The following PDE4D variants were observed in gnomAD, a reference collection of about 807,000 sequenced individuals.
PDE4D encodes the protein phosphodiesterase 4D, also known as 3',5'-cyclic-AMP phosphodiesterase 4D.
Under a neutral mutation model 87.4 loss-of-function variants are expected in PDE4D, and 24 were observed. The ratio of observed to expected loss-of-function variants is 0.27; its 90% CI spans 0.20 to 0.39. The LOEUF is 0.39. PDE4D is among the 10% of genes least tolerant of loss of function. The pLI is 1.00. For synonymous variants in PDE4D, 384 were observed against 383.2 expected (o/e 1.00, Z -0.02); for missense variants, 714 against 1,041.0 (o/e 0.69, Z 4.32).
intron 1 of PDE4D, among the ~76,000 whole-genome samples, chr5:60,251,613 C>T (rs562863270): frequency 6.6e-6 from 1 of 151,720 alleles, no homozygotes; most frequent in African/African-American, 2.4e-5. Flanking sequence ...CTACTATTAT[C>T]GATGGGCATT....
intron 1 of PDE4D, among the ~76,000 whole-genome samples, chr5:59,673,273 T>C (rs1747515342): frequency 6.6e-6 from 1 of 152,192 alleles, no homozygotes; most frequent in Admixed American, 6.5e-5. Flanking sequence ...TTACCACATT[T>C]GCCAGTATTT....
At chr5:60,499,155 A>T (rs1749952543) in intron 1 of PDE4D, among the ~76,000 whole-genome samples, 1 of 152,218 alleles carries the variant, frequency 6.6e-6, no homozygotes, top group Non-Finnish European at 1.5e-5. Flanking sequence ...AACAGAATAA[A>T]CAGTTCACAC....
intron 2 of PDE4D, among the ~76,000 whole-genome samples, chr5:60,026,589 C>T (rs1006058355): frequency 3.9e-5 from 6 of 152,084 alleles, no homozygotes; most frequent in African/African-American, 1.2e-4. Context: ...ATGATAAACT[C>T]GATGAATAAT....
At chr5:59,161,805 A>G (rs899408224) in intron 5 of PDE4D, among the ~76,000 whole-genome samples, 3 of 152,188 alleles carry the variant, frequency 2.0e-5, no homozygotes, top group Admixed American at 6.5e-5. Flanking sequence ...AGTTCCTTCT[A>G]TATCTTGCTT....
intron 1 of PDE4D, among the ~76,000 whole-genome samples, chr5:59,729,097 C>T (rs190799072): frequency 1.3e-5 from 2 of 152,226 alleles, no homozygotes; most frequent in Non-Finnish European, 2.9e-5. Flanking sequence ...GACATCCTAT[C>T]TTTAGAGAAT....
intron 2 of PDE4D, among the ~76,000 whole-genome samples, chr5:59,205,190 C>T (rs1748466405): frequency 6.8e-6 from 1 of 146,536 alleles, no homozygotes; most frequent in South Asian, 2.2e-4. Flanking sequence ...GTACATGGAC[C>T]ATGCAGTGAG....
chr5:60,252,237 G>A (rs983727075), intron 1 of PDE4D, among the ~76,000 whole-genome samples: 2 of 151,808 alleles, frequency 1.3e-5, no homozygotes, highest in Non-Finnish European at 2.9e-5. Flanking sequence ...AGGTTAGATG[G>A]ATATGTAAGC....
At chr5:59,482,700 A>C (rs1159343166) in intron 1 of PDE4D, among the ~76,000 whole-genome samples, 7 of 152,130 alleles carry the variant, frequency 4.6e-5, no homozygotes, top group Admixed American at 4.6e-4. Flanking sequence ...AAATTTTTTG[A>C]TTCTTGCTTA....
chr5:59,441,631 G>C (rs762557357), intron 1 of PDE4D, among the ~76,000 whole-genome samples: 1 of 152,106 alleles, frequency 6.6e-6, no homozygotes, highest in Non-Finnish European at 1.5e-5. Flanking sequence ...CGATTGCAGG[G>C]CACAGAATGT....
intron 1 of PDE4D, among the ~76,000 whole-genome samples, chr5:59,698,307 G>A (rs777017040): frequency 6.6e-6 from 1 of 152,064 alleles, no homozygotes; most frequent in African/African-American, 2.4e-5. Context: ...TGTTGAAGGC[G>A]AGGGAAATGG....
At chr5:59,919,452 C>T (rs185678130) in intron 3 of PDE4D, among the ~76,000 whole-genome samples, 65 of 152,220 alleles carry the variant, frequency 4.3e-4, no homozygotes, top group African/African-American at 1.4e-3. Flanking sequence ...ATTCCAGGCC[C>T]TCATTATCAA....
chr5:58,976,585 A>G, intron 12 of PDE4D, 113 bp from the exon 13 acceptor site: 1 of 846,400 alleles, frequency 1.2e-6, no homozygotes, highest in Non-Finnish European at 1.8e-6. Context: ...CCTTTTAATG[A>G]CAGTGGAAAA....
At chr5:59,210,088 C>T (rs530279962) in intron 2 of PDE4D, among the ~76,000 whole-genome samples, 1 of 152,284 alleles carries the variant, frequency 6.6e-6, no homozygotes, top group South Asian at 2.1e-4. Flanking sequence ...GCCATGGTAG[C>T]TTTCTTTCTG....
chr5:59,287,511 A>G (rs79547934), intron 1 of PDE4D, among the ~76,000 whole-genome samples: 4,189 of 152,206 alleles, frequency 0.028, 214 homozygotes, highest in African/African-American at 0.095. Flanking sequence ...GGAAGGATAC[A>G]AGCCTGGCTG....
intron 3 of PDE4D, among the ~76,000 whole-genome samples, chr5:59,908,714 T>C (rs981111956): frequency 6.6e-6 from 1 of 152,188 alleles, no homozygotes; most frequent in African/African-American, 2.4e-5. Context: ...TCTAATATAT[T>C]CCCTAGAGTT....
intron 6 of PDE4D, among the ~76,000 whole-genome samples, chr5:59,018,028 T>C (rs10044336): frequency 0.1 from 15,679 of 152,236 alleles, 1,054 homozygotes; most frequent in Non-Finnish European, 0.13. Context: ...TACTTAAGGA[T>C]ACTGGGTTGT....
At chr5:59,668,845 G>GGAAGAAGAGGAAGAA (rs1746604816) in intron 1 of PDE4D, among the ~76,000 whole-genome samples, 1 of 62,124 alleles carries the variant, frequency 1.6e-5, no homozygotes, top group African/African-American at 6.6e-5. Context: ...AAGAGGAAGA[G>GGAAGAAGAGGAAGAA]GAAGAAGAAG....
chr5:59,023,688 A>G (rs745989977), intron 6 of PDE4D, among the ~76,000 whole-genome samples: 10 of 152,180 alleles, frequency 6.6e-5, no homozygotes, highest in Non-Finnish European at 1.5e-4. Flanking sequence ...ACGTTTTGAC[A>G]TGTAGAATAC....
intron 2 of PDE4D, among the ~76,000 whole-genome samples, chr5:60,183,582 T>C (rs1364160000): frequency 1.3e-5 from 2 of 152,156 alleles, no homozygotes; most frequent in South Asian, 2.1e-4. Flanking sequence ...ATTTTCACAA[T>C]GAAAGATGCA....
Sources: gnomAD v4.1 joint callset for allele counts (sites outside exome capture counted in the v4.1 genomes callset) on GRCh38, gnomAD v4.1.1 for gene constraint, MANE v1.5 for transcripts, NCBI Gene and HGNC (gene_info 2026-07-23, HGNC 2026-07-21) for gene names.